Variants in MAML2 observed in about 807,000 individuals in gnomAD.
The protein encoded by MAML2 is mastermind-like protein 2.
MAML2 carries 22 observed loss-of-function variants against 96.1 expected under a neutral mutation model. The observed-to-expected ratio is 0.23, with a 90% CI of 0.16 to 0.33. The LOEUF (loss-of-function observed/expected upper bound fraction) is 0.33. MAML2 is among the 10% of genes least tolerant of loss of function. MAML2 has a pLI of 1.00. For missense variants in MAML2, 1,367 were observed against 1,392.4 expected, an observed-to-expected ratio of 0.98 and a Z score of 0.29; for synonymous variants, 561 against 521.3, an observed-to-expected ratio of 1.08 and a Z score of -1.04.
At chr11:96,023,122 G>A (rs573217943) in intron 2 of MAML2, among the ~76,000 whole-genome samples, 1 of 152,326 alleles carries the variant, frequency 6.6e-6, no homozygotes, top group African/African-American at 2.4e-5. Context: ...CCCCTCTGCA[G>A]TGGGCAGGCT....
chr11:96,198,602 T>C (rs1264291325), intron 1 of MAML2, among the ~76,000 whole-genome samples: 1 of 152,162 alleles, frequency 6.6e-6, no homozygotes, highest in African/African-American at 2.4e-5. Flanking sequence ...GTGTGGCTCC[T>C]GAAACTGAAA....
chr11:96,068,829 CAA>C (rs538393436), intron 2 of MAML2, among the ~76,000 whole-genome samples: 6 of 76,608 alleles, frequency 7.8e-5, no homozygotes, highest in Non-Finnish European at 5.4e-5. Context: ...GACTCCTTCT[CAA>C]AAAAAAAAAA....
At chr11:96,170,648 G>A (rs1365816801) in intron 1 of MAML2, among the ~76,000 whole-genome samples, 1 of 152,200 alleles carries the variant, frequency 6.6e-6, no homozygotes, top group Admixed American at 6.5e-5. Flanking sequence ...AGAATGCCTT[G>A]GCTAATGCAT....
chr11:96,223,336 G>GAC (rs1310889045), intron 1 of MAML2, among the ~76,000 whole-genome samples: 1 of 152,108 alleles, frequency 6.6e-6, no homozygotes, highest in Non-Finnish European at 1.5e-5. Flanking sequence ...ACATTTTGTT[G>GAC]ACTTCAAGAA....
chr11:96,339,987 A>C (rs1396283740), intron 1 of MAML2, among the ~76,000 whole-genome samples: 1 of 152,206 alleles, frequency 6.6e-6, no homozygotes, highest in Non-Finnish European at 1.5e-5. Flanking sequence ...GTGCAGTTTA[A>C]CTGTTGGTAG....
At chr11:96,242,350 C>G (rs1297061582) in intron 1 of MAML2, among the ~76,000 whole-genome samples, 2 of 152,008 alleles carry the variant, frequency 1.3e-5, no homozygotes, top group African/African-American at 4.8e-5. Flanking sequence ...AAAAAATGCC[C>G]ATGTACTCTT....
At chr11:96,094,400 C>A (rs1482210517) in intron 1 of MAML2, among the ~76,000 whole-genome samples, 1 of 152,178 alleles carries the variant, frequency 6.6e-6, no homozygotes, top group Non-Finnish European at 1.5e-5. Flanking sequence ...GCACTTAACT[C>A]ACAGGAAGGG....
At chr11:96,120,749 C>T (rs1860324194) in intron 1 of MAML2, among the ~76,000 whole-genome samples, 2 of 152,092 alleles carry the variant, frequency 1.3e-5, no homozygotes, top group Non-Finnish European at 2.9e-5. Flanking sequence ...ATTAGAATAT[C>T]GGCCAAGTGG....
At chr11:96,051,335 C>T (rs1940158) in intron 2 of MAML2, among the ~76,000 whole-genome samples, 53,136 of 151,890 alleles carry the variant, frequency 0.35, 11,007 homozygotes, top group East Asian at 0.51. Context: ...TACTAATATC[C>T]AATATTTATT....
chr11:96,292,208 T>A (rs1485738908), intron 1 of MAML2, among the ~76,000 whole-genome samples: 1 of 152,174 alleles, frequency 6.6e-6, no homozygotes, highest in African/African-American at 2.4e-5. Flanking sequence ...CAGCAGCATA[T>A]GATGGAAGTG....
intron 2 of MAML2, among the ~76,000 whole-genome samples, chr11:96,082,892 C>T (rs1054628880): frequency 1.3e-5 from 2 of 152,122 alleles, no homozygotes; most frequent in Non-Finnish European, 1.5e-5. Flanking sequence ...CTGACTGCAA[C>T]GGTTCTAAGC....
chr11:96,236,527 C>T (rs931471924), intron 1 of MAML2, among the ~76,000 whole-genome samples: 8 of 152,132 alleles, frequency 5.3e-5, no homozygotes, highest in East Asian at 1.9e-4. Flanking sequence ...AGAAATCATT[C>T]GTTCTTAGTC....
At chr11:96,202,350 CAAAA>C (rs3995542) in intron 1 of MAML2, among the ~76,000 whole-genome samples, 4 of 107,536 alleles carry the variant, frequency 3.7e-5, no homozygotes, top group East Asian at 6.0e-4. Flanking sequence ...GACTCCATCT[CAAAA>C]AAAAAAAAAA....
intron 1 of MAML2, among the ~76,000 whole-genome samples, chr11:96,332,626 C>A (rs1329625149): frequency 6.6e-6 from 1 of 152,134 alleles, no homozygotes; most frequent in Non-Finnish European, 1.5e-5. Flanking sequence ...TGCGAAACAA[C>A]CAAATGGGAT....
chr11:96,178,021 T>C (rs1190818560), intron 1 of MAML2, among the ~76,000 whole-genome samples: 2 of 143,784 alleles, frequency 1.4e-5, no homozygotes, highest in Non-Finnish European at 3.1e-5. Flanking sequence ...TTTTGTACTC[T>C]TTAACTTAAA....
intron 2 of MAML2, among the ~76,000 whole-genome samples, chr11:96,025,099 G>A (rs776582387): frequency 4.6e-5 from 7 of 152,022 alleles, no homozygotes; most frequent in Non-Finnish European, 1.0e-4. Context: ...ACGTGCACTC[G>A]CATGTTTATC....
intron 1 of MAML2, among the ~76,000 whole-genome samples, chr11:96,177,073 T>C (rs1252008691): frequency 6.6e-6 from 1 of 152,164 alleles, no homozygotes; most frequent in Non-Finnish European, 1.5e-5. Context: ...GAGTCACATA[T>C]GTAAAACAGA....
At chr11:96,240,329 T>C (rs1862416149) in intron 1 of MAML2, among the ~76,000 whole-genome samples, 1 of 151,834 alleles carries the variant, frequency 6.6e-6, no homozygotes. Flanking sequence ...GGCGGGTGGA[T>C]CACGAGGTCA....
At chr11:96,170,333 A>G (rs1861267639) in intron 1 of MAML2, among the ~76,000 whole-genome samples, 1 of 152,238 alleles carries the variant, frequency 6.6e-6, no homozygotes, top group East Asian at 1.9e-4. Context: ...TTTAAAAATT[A>G]ATCAGACACA....
Sources: gnomAD v4.1 joint callset for allele counts (sites outside exome capture counted in the v4.1 genomes callset) on GRCh38, gnomAD v4.1.1 for gene constraint, MANE v1.5 for transcripts, NCBI Gene and HGNC (gene_info 2026-07-23, HGNC 2026-07-21) for gene names.